The following ERO1B variants were observed in gnomAD, a reference collection of about 807,000 sequenced individuals.
ERO1B encodes endoplasmic reticulum oxidoreductase 1 beta.
In ERO1B, 49 loss-of-function variants were observed where a neutral mutation model predicts 75.3. That is an observed-to-expected ratio of 0.65 (90% confidence interval 0.52 to 0.83). The LOEUF (loss-of-function observed/expected upper bound fraction) is 0.83, where lower values mean the gene tolerates loss of function less well. Ranked by LOEUF, ERO1B falls within the 40% of genes least tolerant of loss-of-function variation. ERO1B has a pLI of 0.00. For missense variants in ERO1B, 512 were observed against 560.1 expected (o/e 0.91, Z 0.87); for synonymous variants, 191 against 192.9 (o/e 0.99, Z 0.08).
rs867787223 is a variant in ERO1B at position 236,281,744 on chromosome 1, C to A, written c.40G>T (p.Val14Leu). Reference protein sequence around the residue: ...GVRRAGAGQGVAAAVQLLVTL... With the variant: ...GVRRAGAGQGLAAAVQLLVTL... ...ACCAGCAGCTGCACCGCGGCCGCTA[C>A]CCCCTGCCCAGCGCCTGCCCGGCGG... The change falls in exon 1 of 16, where the codon GTA becomes TTA. Residue 14 changes from valine to leucine, a missense_variant. Val to Leu is a conservative substitution (Grantham distance 32). Coordinates refer to ENST00000354619, the MANE Select transcript of ERO1B (RefSeq NM_019891.4). 2 of 1,516,472 alleles carry A rather than the reference C, an allele frequency of 1.3e-6. No homozygotes were observed. The highest frequency in any genetic ancestry group is 1.4e-5 in the African/African-American group (1 of 70,808). 93.9% of individuals were successfully genotyped at this position (1,516,472 alleles called of 1,614,324 possible). A position where few individuals can be genotyped will look rare whatever the true frequency, so the allele number is the denominator to read the frequency against.
intron 15 of ERO1B, among the ~76,000 whole-genome samples, chr1:236,219,293 A>G (rs1187848259): frequency 2.6e-5 from 4 of 152,190 alleles, no homozygotes; most frequent in Non-Finnish European, 5.9e-5. Flanking sequence ...GCCTGAGTTC[A>G]TACCACTACT....
At chr1:236,272,086 A>G (rs1665602469) in intron 1 of ERO1B, among the ~76,000 whole-genome samples, 2 of 152,220 alleles carry the variant, frequency 1.3e-5, no homozygotes, top group African/African-American at 4.8e-5. Context: ...AAAAAAGGGA[A>G]TGCTTATACA....
chr1:236,281,527 GTCAGGTCTCTGC>G, intron 1 of ERO1B, 143 bp downstream of exon 1: 2 of 469,954 alleles, frequency 4.3e-6, no homozygotes. Flanking sequence ...GCACTGGACG[GTCAGGTCTCTGC>G]TCCCCGGGTT....
At chr1:236,243,556 T>C (rs554632498) in intron 5 of ERO1B, 61 bp from the exon 6 acceptor site, 2 of 1,006,880 alleles carry the variant, frequency 2.0e-6, no homozygotes, top group South Asian at 3.3e-5. Context: ...CTTTTAATAC[T>C]GTATTCTAGT....
rs758402792 is a variant in ERO1B, at chr1:236,215,987, T to C, written c.*2529A>G. 1 of 152,182 alleles carries C rather than the reference T, an allele frequency of 6.6e-6. No individual in the cohort carries two copies. Among genetic ancestry groups the C allele is most frequent in the African/African-American group, 2.4e-5 (1 of 41,462 alleles). 9.4% of individuals were successfully genotyped at this position (152,182 alleles called of 1,614,324 possible). On this transcript the variant is annotated 3_prime_UTR_variant, in exon 16 of 16. Transcript: ENST00000354619. The stretch of plus-strand genomic sequence containing the variant: ...TGTCAAAATAAAACGTTTTGACTTA[T>C]CAAATTTCAAAAGTGTGGAGTCTTA...
Position 236,281,939 on chromosome 1 carries a change from A to G in ERO1B, c.-156T>C. The G allele has an allele frequency of 2.3e-6, 1 of 432,758 alleles. No homozygotes were observed. The highest frequency in any genetic ancestry group is 3.9e-6 in the Non-Finnish European group (1 of 257,306). 26.8% of individuals were successfully genotyped at this position (432,758 alleles called of 1,614,324 possible). A position where few individuals can be genotyped will look rare whatever the true frequency, so the allele number is the denominator to read the frequency against. On this transcript the variant is annotated 5_prime_UTR_variant, in exon 1 of 16. Transcript: ENST00000354619. ...TCCGGAGGCAGGCGACTCTTTCCCC[A>G]ACACCCGGCAGCTGCGAGTGAGGCA...
At chr1:236,221,023 G>A in intron 14 of ERO1B, 58 bp from the exon 15 acceptor site, 1 of 1,301,060 alleles carries the variant, frequency 7.7e-7, no homozygotes, top group South Asian at 2.0e-5. Flanking sequence ...CTAGTAAAAA[G>A]GCTTAAAGGA....
chr1:236,249,076 A>C (rs1664953904), intron 5 of ERO1B, among the ~76,000 whole-genome samples: 1 of 147,926 alleles, frequency 6.8e-6, no homozygotes, highest in South Asian at 2.1e-4. Context: ...CCCAGGTTAG[A>C]GTGCAACGGT....
chr1:236,249,859 C>G, intron 5 of ERO1B, 26 bp downstream of exon 5: 1 of 1,493,620 alleles, frequency 6.7e-7, no homozygotes. Flanking sequence ...AGAATATTTT[C>G]TTAATATTAC....
chr1:236,241,777 T>C (rs1664709618), intron 6 of ERO1B, among the ~76,000 whole-genome samples: 1 of 151,840 alleles, frequency 6.6e-6, no homozygotes, highest in Non-Finnish European at 1.5e-5. Context: ...TTTTAAAAAA[T>C]AGTTAACACG....
At chr1:236,222,932 A>G (rs1451953789) in intron 13 of ERO1B, among the ~76,000 whole-genome samples, 2 of 152,124 alleles carry the variant, frequency 1.3e-5, no homozygotes, top group Admixed American at 1.3e-4. Context: ...CTGGTCAGGC[A>G]GGGTGGCTCA....
chr1:236,257,956 C>T (rs984694965), intron 2 of ERO1B, among the ~76,000 whole-genome samples: 1 of 151,042 alleles, frequency 6.6e-6, no homozygotes, highest in African/African-American at 2.4e-5. Flanking sequence ...GAATTACACA[C>T]ATTATCAGAG....
In ERO1B at chr1:236,215,162, T is replaced by C. The variant is rs1663938312; in HGVS notation, c.*3354A>G. Reference sequence around the variant, plus strand: ...ACAATGCTTTTAATTGTTCCCACTTTGTAGCTGAATGGAAATAGGCCAACT... The same window carrying C: ...ACAATGCTTTTAATTGTTCCCACTTCGTAGCTGAATGGAAATAGGCCAACT... On this transcript the variant is annotated 3_prime_UTR_variant, in exon 16 of 16. Coordinates refer to ENST00000354619, the MANE Select transcript of ERO1B (RefSeq NM_019891.4). 6.6e-6 allele frequency among the ~76,000 whole-genome samples: 1 copy of C among 152,248 alleles called. No homozygotes were observed. The highest frequency in any genetic ancestry group is 1.5e-5 in the Non-Finnish European group (1 of 68,044).
At chr1:236,225,168 T>C in intron 12 of ERO1B, 29 bp from the exon 13 acceptor site, 1 of 1,606,872 alleles carries the variant, frequency 6.2e-7, no homozygotes, top group Non-Finnish European at 8.5e-7. Context: ...TGGATTAAGT[T>C]ACACATGAAA....
At chr1:236,264,857 G>A (rs1225496058) in intron 2 of ERO1B, among the ~76,000 whole-genome samples, 1 of 151,880 alleles carries the variant, frequency 6.6e-6, no homozygotes, top group Non-Finnish European at 1.5e-5. Flanking sequence ...AAAAAAAGAA[G>A]GGTGGGAGGG....
At chr1:236,259,086 G>A (rs2102960274) in intron 2 of ERO1B, among the ~76,000 whole-genome samples, 1 of 152,134 alleles carries the variant, frequency 6.6e-6, no homozygotes, top group Non-Finnish European at 1.5e-5. Flanking sequence ...TATAAGACAT[G>A]TCCTTAAAAA....
chr1:236,281,097 G>A (rs565865557), intron 1 of ERO1B, among the ~76,000 whole-genome samples: 181 of 152,314 alleles, frequency 1.2e-3, no homozygotes, highest in Non-Finnish European at 1.9e-3. Context: ...ATGCCACTTG[G>A]CAGACACAGC....
At chr1:236,279,503 T>TAA (rs1665776393) in intron 1 of ERO1B, among the ~76,000 whole-genome samples, 1 of 2,160 alleles carries the variant, frequency 4.6e-4, no homozygotes, top group Admixed American at 4.5e-3. Context: ...AGACTCCATC[T>TAA]CAAAAAAAAA....
At chr1:236,234,535 T>C (rs879519637) in intron 8 of ERO1B, among the ~76,000 whole-genome samples, 11 of 152,158 alleles carry the variant, frequency 7.2e-5, no homozygotes, top group African/African-American at 2.2e-4. Flanking sequence ...AATAGAAAAG[T>C]TGTGAGGCAA....
Sources: gnomAD v4.1 joint callset for allele counts (sites outside exome capture counted in the v4.1 genomes callset) on GRCh38, gnomAD v4.1.1 for gene constraint, MANE v1.5 for transcripts, NCBI Gene and HGNC (gene_info 2026-07-23, HGNC 2026-07-21) for gene names.